Variants in SCNN1B observed in about 807,000 individuals in gnomAD.
SCNN1B encodes the protein epithelial sodium channel subunit beta.
A neutral mutation model predicts 65.3 loss-of-function variants in SCNN1B; 46 were observed. The ratio of observed to expected loss-of-function variants is 0.70; its 90% CI spans 0.56 to 0.90. The LOEUF is 0.90. Ranked by LOEUF, SCNN1B falls within the 40% of genes least tolerant of loss-of-function variation. The probability of loss-of-function intolerance (pLI) is 0.00; values close to 1 mark genes in which losing one functional copy is unlikely to be tolerated. For synonymous variants in SCNN1B, 349 were observed against 330.6 expected (o/e 1.06, Z -0.60); for missense variants, 751 against 830.5 (o/e 0.90, Z 1.18).
chr16:23,353,210 G>A, intron 3 of SCNN1B, 136 bp downstream of exon 3: 1 of 1,092,384 alleles, frequency 9.2e-7, no homozygotes, highest in Non-Finnish European at 1.3e-6. Context: ...CTTGTTTGCA[G>A]AGATTTTTTA....
intron 1 of SCNN1B, among the ~76,000 whole-genome samples, chr16:23,335,261 A>G (rs1451180731): frequency 1.3e-5 from 2 of 152,140 alleles, no homozygotes; most frequent in African/African-American, 4.8e-5. Context: ...CTGTTCCCCC[A>G]GCCACTCAGT....
At chr16:23,379,404 G>T (rs1170929496) in intron 11 of SCNN1B, among the ~76,000 whole-genome samples, 1 of 152,156 alleles carries the variant, frequency 6.6e-6, no homozygotes, top group Non-Finnish European at 1.5e-5. Context: ...GTACAGCAGG[G>T]AAGGAGCCTC....
chr16:23,332,066 T>C (rs529750435), intron 1 of SCNN1B, among the ~76,000 whole-genome samples: 4 of 152,282 alleles, frequency 2.6e-5, no homozygotes, highest in South Asian at 2.1e-4. Flanking sequence ...TCCTGCTCTA[T>C]TGCCCAGGCT....
In SCNN1B at chr16:23,380,528, C is replaced by A; in HGVS notation, c.1650C>A (p.Ile550=). 1 of 1,614,248 alleles carries A rather than the reference C, an allele frequency of 6.2e-7. No individual in the cohort carries two copies. Among genetic ancestry groups the A allele is most frequent in the Non-Finnish European group, 8.5e-7 (1 of 1,180,046 alleles). Residue 550 remains isoleucine, a synonymous_variant, in exon 13 of 13, where the codon ATC becomes ATA. Coordinates refer to ENST00000343070, the MANE Select transcript of SCNN1B (RefSeq NM_000336.3). This position sits in a 1 kb window ranked among gnomAD's most constrained non-coding sequence, Gnocchi z 5.4. ...FGEIIIDFVW[I]TIIKLVALAK... ...AGATCATCATCGACTTTGTGTGGAT[C>A]ACCATCATCAAGCTGGTGGCCTTGG... is the stretch of plus-strand genomic sequence containing the variant.
intron 7 of SCNN1B, among the ~76,000 whole-genome samples, chr16:23,375,024 A>T (rs1962864421): frequency 1.3e-5 from 2 of 152,076 alleles, no homozygotes; most frequent in Admixed American, 1.3e-4. Flanking sequence ...CAAGCCCCAG[A>T]GGGTCATGAC....
chr16:23,380,715 C>A lies in SCNN1B; in HGVS notation c.1837C>A (p.Pro613Thr). The change falls in exon 13 of 13, where the codon CCA becomes ACA. Residue 613 changes from proline to threonine, a missense_variant. Transcript: ENST00000343070. The surrounding 1 kb of genome is among the most constrained non-coding windows in gnomAD (Gnocchi z 5.4). ...PYPSEQALPI[P>T]GTPPPNYDSL... The stretch of plus-strand genomic sequence containing the variant: ...CCCCAGTGAGCAGGCCCTGCCCATC[C>A]CAGGCACCCCGCCCCCCAACTATGA... 1 of 1,612,486 alleles carries A rather than the reference C, an allele frequency of 6.2e-7. No individual in the cohort carries two copies. The highest frequency in any genetic ancestry group is 8.5e-7 in the Non-Finnish European group (1 of 1,179,636).
intron 11 of SCNN1B, among the ~76,000 whole-genome samples, chr16:23,379,755 G>C (rs1962998370): frequency 6.6e-6 from 1 of 152,194 alleles, no homozygotes; most frequent in African/African-American, 2.4e-5. Context: ...GTGTCCTGTA[G>C]GGAACTGGTA....
At chr16:23,371,514 C>A (rs1423343749) in intron 6 of SCNN1B, 52 bp downstream of exon 6, 2 of 1,580,512 alleles carry the variant, frequency 1.3e-6, no homozygotes, top group Admixed American at 3.4e-5. Context: ...TGGGAGCCCA[C>A]CTGTCCAGGG....
At chr16:23,301,334 C>T (rs1216933992), upstream of SCNN1B, among the ~76,000 whole-genome samples, 1 of 134,936 alleles carries the variant, frequency 7.4e-6, no homozygotes, top group Non-Finnish European at 1.5e-5. Flanking sequence ...TGCACTCCAG[C>T]CTGGGCAACA....
At chr16:23,299,652 C>T (rs543723470), upstream of SCNN1B, among the ~76,000 whole-genome samples, 36 of 152,318 alleles carry the variant, frequency 2.4e-4, no homozygotes, top group South Asian at 6.6e-3. Context: ...TACCATCTCA[C>T]ACCAGTTAGA....
chr16:23,325,542 C>T (rs1411637783), intron 1 of SCNN1B, among the ~76,000 whole-genome samples: 1 of 142,012 alleles, frequency 7.0e-6, no homozygotes, highest in African/African-American at 3.1e-5. Flanking sequence ...GCTGGGATTA[C>T]AGGTATGAGC....
intron 1 of SCNN1B, among the ~76,000 whole-genome samples, chr16:23,327,469 G>A (rs1961720291): frequency 6.6e-6 from 1 of 152,144 alleles, no homozygotes; most frequent in South Asian, 2.1e-4. Flanking sequence ...AGGAGGTGGA[G>A]GTTGCAGTGA....
upstream of SCNN1B, among the ~76,000 whole-genome samples, chr16:23,299,003 G>T (rs895399539): frequency 6.6e-6 from 1 of 151,898 alleles, no homozygotes; most frequent in Non-Finnish European, 1.5e-5. Context: ...TAACGTATTG[G>T]GTTGAACCAT....
intron 11 of SCNN1B, among the ~76,000 whole-genome samples, chr16:23,379,869 C>G (rs980329645): frequency 3.9e-5 from 6 of 152,212 alleles, no homozygotes; most frequent in African/African-American, 1.4e-4. Context: ...CCTCCCCACT[C>G]ACGGGGGCAC....
chr16:23,352,688 A>G (rs1232231244), intron 2 of SCNN1B, 113 bp from the exon 3 acceptor site: 7 of 1,122,876 alleles, frequency 6.2e-6, no homozygotes, highest in Non-Finnish European at 9.4e-6. Flanking sequence ...AGTCTCAGGT[A>G]GTATCTTTAT....
intron 1 of SCNN1B, among the ~76,000 whole-genome samples, chr16:23,313,905 G>A (rs576961508): frequency 3.3e-5 from 5 of 152,212 alleles, no homozygotes; most frequent in African/African-American, 4.8e-5. Flanking sequence ...CCATGCACCC[G>A]GCCAGCAGCA....
intron 2 of SCNN1B, among the ~76,000 whole-genome samples, chr16:23,283,977 G>GA (rs1476438673): frequency 6.6e-6 from 1 of 152,162 alleles, no homozygotes; most frequent in African/African-American, 2.4e-5. Flanking sequence ...TGAATTTGGG[G>GA]AACGAAGGAC....
chr16:23,351,568 C>A (rs1962309872), intron 2 of SCNN1B, among the ~76,000 whole-genome samples: 2 of 152,236 alleles, frequency 1.3e-5, no homozygotes, highest in Non-Finnish European at 2.9e-5. Flanking sequence ...TGCTGTACAC[C>A]TTTGTACCAG....
chr16:23,361,757 A>C (rs1962557707), intron 4 of SCNN1B, among the ~76,000 whole-genome samples: 2 of 151,660 alleles, frequency 1.3e-5, no homozygotes, highest in African/African-American at 4.8e-5. Context: ...CATTTCTCTA[A>C]AGAGCTCTGT....
Sources: allele counts gnomAD v4.1 joint callset (sites outside exome capture counted in the v4.1 genomes callset), GRCh38; gene constraint gnomAD v4.1.1; non-coding constraint Gnocchi (gnomAD v3.1); transcripts MANE v1.5; gene names NCBI Gene and HGNC (gene_info 2026-07-23, HGNC 2026-07-21).